Variants in UBA52 observed in about 807,000 individuals in gnomAD.
UBA52 encodes the protein ubiquitin-ribosomal protein eL40 fusion protein.
A neutral mutation model predicts 15.3 loss-of-function variants in UBA52; 1 was observed. The ratio of observed to expected loss-of-function variants is 0.07; its 90% CI spans 0.02 to 0.31. UBA52 has a LOEUF of 0.31. Ranked by LOEUF, UBA52 falls within the 10% of genes least tolerant of loss-of-function variation. The probability of loss-of-function intolerance (pLI) is 1.00; values close to 1 mark genes in which losing one functional copy is unlikely to be tolerated. For synonymous variants in UBA52, 50 were observed against 58.3 expected (o/e 0.86, Z 0.65); for missense variants, 87 against 168.0 (o/e 0.52, Z 2.66).
chr19:18,573,503 G>C lies in UBA52; in HGVS notation c.103+100G>C, dbSNP rs1047880444. 7.6e-6 allele frequency: 10 copies of C among 1,315,772 alleles called. No homozygotes were observed. The African/African-American group carries it at 1.5e-4, about 19-fold the overall frequency. 81.5% of individuals were successfully genotyped at this position (1,315,772 alleles called of 1,614,324 possible). ...TGTGGGTTGTGCTGACTTTAGATCT[G>C]TTTTGCCCTTGCTTCTCCATGTGAT... On this transcript the variant is annotated intron_variant, in intron 2 of 4. Transcript: ENST00000442744.
At chr19:18,568,746 A>G, upstream of UBA52, 1 of 731,608 alleles carries the variant, frequency 1.4e-6, no homozygotes, top group Non-Finnish European at 2.2e-6. Context: ...TCTGTCACCC[A>G]GGGCTCCTAG....
At chr19:18,574,215 CAAAA>C (rs41293565) in intron 3 of UBA52, among the ~76,000 whole-genome samples, 1 of 143,828 alleles carries the variant, frequency 7.0e-6, no homozygotes, top group Non-Finnish European at 1.5e-5. Flanking sequence ...ACTCGGGAGA[CAAAA>C]AAAAAAAGTC....
At chr19:18,570,782 G>C (rs1975453387), upstream of UBA52, among the ~76,000 whole-genome samples, 1 of 151,640 alleles carries the variant, frequency 6.6e-6, no homozygotes, top group Admixed American at 6.6e-5. Flanking sequence ...CTGCCTCCCG[G>C]GTTCAAGCGA....
chr19:18,566,766 C>G (rs1175125938), upstream of UBA52, among the ~76,000 whole-genome samples: 1 of 151,602 alleles, frequency 6.6e-6, no homozygotes, highest in African/African-American at 2.4e-5. Context: ...GCACTCCACC[C>G]TGGGCGACAG....
intron 1 of UBA52, chr19:18,572,796 G>GGTCGCCGTATCA: frequency 9.9e-7 from 1 of 1,008,144 alleles, no homozygotes; most frequent in Admixed American, 5.1e-5. Flanking sequence ...CCAGCTTGGA[G>GGTCGCCGTATCA]TTAGAGAGGA....
At chr19:18,570,382 TG>T (rs1356992368), upstream of UBA52, among the ~76,000 whole-genome samples, 2 of 151,980 alleles carry the variant, frequency 1.3e-5, no homozygotes, top group African/African-American at 4.8e-5. Context: ...AACTTTTTTT[TG>T]TAGAGACAGG....
chr19:18,568,877 T>G, upstream of UBA52: 2 of 529,030 alleles, frequency 3.8e-6, no homozygotes, highest in Non-Finnish European at 6.8e-6. Flanking sequence ...GGCACGCCCA[T>G]TCCAGCTGGA....
Position 18,574,927 on chromosome 19 carries a change from G to A in UBA52, c.248G>A (p.Arg83His), listed in dbSNP as rs1459771202. 4.3e-6 allele frequency: 7 copies of A among 1,613,972 alleles called. No homozygotes were observed. The highest frequency in any genetic ancestry group is 4.0e-5 in the African/African-American group (3 of 74,926). ...LRGGIIEPSL[R>H]QLAQKYNCDK... ...GGTGGCATTATTGAGCCTTCTCTCC[G>A]CCAGCTTGCCCAGAAATACAACTGC... The change falls in exon 4 of 5, where the codon CGC becomes CAC. Residue 83 changes from arginine to histidine, a missense_variant. Coordinates refer to ENST00000442744, the MANE Select transcript of UBA52 (RefSeq NM_001033930.3).
At chr19:18,569,977 G>C (rs1975423891), upstream of UBA52, among the ~76,000 whole-genome samples, 1 of 152,146 alleles carries the variant, frequency 6.6e-6, no homozygotes. Flanking sequence ...GTTGCAGTGA[G>C]CCAAGATCGC....
chr19:18,568,953 T>G, upstream of UBA52: 5 of 354,132 alleles, frequency 1.4e-5, no homozygotes, highest in South Asian at 3.5e-5. Context: ...GAAGAATGCT[T>G]AGAAGGTTCC....
intron 3 of UBA52, 97 bp from the exon 4 acceptor site, chr19:18,574,773 G>T: frequency 6.8e-7 from 1 of 1,471,022 alleles, no homozygotes; most frequent in Non-Finnish European, 9.2e-7. Flanking sequence ...CATCACACTT[G>T]AGAAAGCAGC....
intron 3 of UBA52, 64 bp downstream of exon 3, chr19:18,573,812 A>T (rs1269295428): frequency 1.3e-6 from 2 of 1,499,298 alleles, no homozygotes; most frequent in Non-Finnish European, 1.8e-6. Flanking sequence ...AGGAGCATTG[A>T]TGGCCTCAGG....
At position 18,574,659 on chromosome 19, in the gene UBA52, A is replaced by G. The variant is rs1273641348; in HGVS notation, c.191-211A>G. On this transcript the variant is annotated intron_variant, in intron 3 of 4. Transcript: ENST00000442744. The stretch of plus-strand genomic sequence containing the variant: ...CATGTGTCAGTCTCAGACTCCCCCC[A>G]GGGCTCGTGGTCAGTGCTGAGATGG... Among the ~76,000 whole-genome samples, 3 of 152,122 alleles carry G rather than the reference A, an allele frequency of 2.0e-5. No individual in the cohort carries two copies. In the East Asian group the frequency reaches 5.8e-4, roughly 29 times the overall value.
chr19:18,572,808 A>G, intron 1 of UBA52: 1 of 1,008,026 alleles, frequency 9.9e-7, no homozygotes, highest in African/African-American at 1.7e-5. Context: ...TAGAGAGGAG[A>G]GAGGCTGCGA....
In UBA52 at chr19:18,573,358, A is replaced by G. The variant is rs1975604642; in HGVS notation, c.58A>G (p.Ser20Gly). 1.2e-6 allele frequency: 2 copies of G among 1,614,208 alleles called. No individual in the cohort carries two copies. Among genetic ancestry groups the G allele is most frequent in the East Asian group, 4.5e-5 (2 of 44,890 alleles). Reference protein sequence around the residue: ...GKTITLEVEPSDTIENVKAKI... With the variant: ...GKTITLEVEPGDTIENVKAKI... ...AACCATCACCCTTGAGGTCGAGCCCAGTGACACCATTGAGAATGTCAAAGC... is the reference window on the plus strand; with the variant it reads ...AACCATCACCCTTGAGGTCGAGCCCGGTGACACCATTGAGAATGTCAAAGC... The change falls in exon 2 of 5, where the codon AGT (serine) becomes GGT (glycine). Residue 20 changes from serine to glycine, a missense_variant. By Grantham distance (56) the Ser-to-Gly change is moderately conservative. Transcript: ENST00000442744.
chr19:18,566,718 G>A, the UBA52 span, among the ~76,000 whole-genome samples: 4 of 151,760 alleles, frequency 2.6e-5, no homozygotes, highest in Non-Finnish European at 5.9e-5. Flanking sequence ...ATGTGAATCC[G>A]GAAGGTGGAG....
chr19:18,567,687 A>G (rs889537991), upstream of UBA52, among the ~76,000 whole-genome samples: 5 of 152,160 alleles, frequency 3.3e-5, no homozygotes, highest in African/African-American at 4.8e-5. Context: ...CTGGGGTACC[A>G]TTCCATGTTG....
At chr19:18,571,551 A>G (rs1975479775), upstream of UBA52, among the ~76,000 whole-genome samples, 1 of 152,208 alleles carries the variant, frequency 6.6e-6, no homozygotes, top group Non-Finnish European at 1.5e-5. Context: ...ATTAGAAAAC[A>G]TTCTCCTCTA....
At chr19:18,568,271 A>AG (rs1369232225), upstream of UBA52, 1 of 668,816 alleles carries the variant, frequency 1.5e-6, no homozygotes, top group African/African-American at 1.8e-5. Context: ...GTCTCAAAAA[A>AG]AAAAAAAAAA....
Sources: gnomAD v4.1 joint callset for allele counts (sites outside exome capture counted in the v4.1 genomes callset) on GRCh38, gnomAD v4.1.1 for gene constraint, MANE v1.5 for transcripts, NCBI Gene and HGNC (gene_info 2026-07-23, HGNC 2026-07-21) for gene names.